DNAH11: variants seen among roughly 807,000 people sequenced by gnomAD.
DNAH11 encodes dynein axonemal heavy chain 11.
A neutral mutation model predicts 526.0 loss-of-function variants in DNAH11; 442 were observed. The observed-to-expected ratio is 0.84, with a 90% CI of 0.78 to 0.91. The LOEUF (loss-of-function observed/expected upper bound fraction) is 0.91, where lower values mean the gene tolerates loss of function less well. Ranked by LOEUF, DNAH11 falls within the 40% of genes least tolerant of loss-of-function variation. The pLI is 0.00. For missense variants in DNAH11, 6,989 were observed against 5,448.7 expected, an observed-to-expected ratio of 1.28 and a Z score of -8.90; for synonymous variants, 2,461 against 1,935.9, an observed-to-expected ratio of 1.27 and a Z score of -7.12.
chr7:21,708,418 C>A (rs1301869128), intron 40 of DNAH11, among the ~76,000 whole-genome samples: 1 of 152,186 alleles, frequency 6.6e-6, no homozygotes, highest in African/African-American at 2.4e-5. Flanking sequence ...TCCATAGATG[C>A]CACGTTAGTT....
intron 66 of DNAH11, among the ~76,000 whole-genome samples, chr7:21,846,785 T>C (rs529069713): frequency 6.6e-6 from 1 of 152,298 alleles, no homozygotes; most frequent in South Asian, 2.1e-4. Context: ...AGAGAATTGA[T>C]ACTATTTCTC....
At chr7:21,630,710 T>C (rs1488494412) in intron 25 of DNAH11, among the ~76,000 whole-genome samples, 1 of 152,204 alleles carries the variant, frequency 6.6e-6, no homozygotes, top group Admixed American at 6.5e-5. Flanking sequence ...GGAGCTCCTT[T>C]ATATCTTATT....
chr7:21,607,911 C>G (rs1276799033), intron 20 of DNAH11, among the ~76,000 whole-genome samples: 3 of 126,396 alleles, frequency 2.4e-5, no homozygotes, highest in South Asian at 2.6e-4. Context: ...GTACTCCAGC[C>G]TGGCGACAGA....
At chr7:21,806,528 C>T (rs1348523881) in intron 62 of DNAH11, among the ~76,000 whole-genome samples, 2 of 152,152 alleles carry the variant, frequency 1.3e-5, no homozygotes, top group Non-Finnish European at 1.5e-5. Context: ...TCATGACCTC[C>T]GACCTCAGGG....
chr7:21,769,756 T>C (rs1787343428), intron 55 of DNAH11, among the ~76,000 whole-genome samples: 1 of 152,130 alleles, frequency 6.6e-6, no homozygotes, highest in South Asian at 2.1e-4. Context: ...AAGTGCTGGA[T>C]TACAGGCATG....
chr7:21,644,851 C>G (rs1787281189), intron 28 of DNAH11, among the ~76,000 whole-genome samples: 1 of 152,128 alleles, frequency 6.6e-6, no homozygotes, highest in South Asian at 2.1e-4. Context: ...AGGTGTATGA[C>G]AAGAAAATAG....
intron 25 of DNAH11, among the ~76,000 whole-genome samples, chr7:21,629,340 G>C (rs939487502): frequency 6.6e-6 from 1 of 151,954 alleles, no homozygotes; most frequent in Non-Finnish European, 1.5e-5. Context: ...ATCTATTCTG[G>C]AGAATCCATG....
intron 55 of DNAH11, among the ~76,000 whole-genome samples, chr7:21,771,176 C>G (rs1053266874): frequency 4.9e-4 from 74 of 152,296 alleles, no homozygotes; most frequent in African/African-American, 1.6e-3. Flanking sequence ...TAGATTCTTT[C>G]ACCTGCCCCT....
chr7:21,807,568 CAG>C (rs886412197), intron 62 of DNAH11, among the ~76,000 whole-genome samples: 3 of 152,154 alleles, frequency 2.0e-5, no homozygotes, highest in Non-Finnish European at 4.4e-5. Context: ...CCCAGAGGGA[CAG>C]GGGAGAGACT....
intron 30 of DNAH11, among the ~76,000 whole-genome samples, chr7:21,677,680 C>T (rs11971391): frequency 0.13 from 20,508 of 152,210 alleles, 1,396 homozygotes; most frequent in Non-Finnish European, 0.15. Flanking sequence ...CCATCACGGC[C>T]AGCCTGTGAT....
In DNAH11 at chr7:21,698,141, T is replaced by C. The variant is rs1783926531; in HGVS notation, c.6108T>C (p.Phe2036=). The change falls in exon 36 of 82, where the codon TTT becomes TTC. Residue 2036 remains phenylalanine (F), a synonymous_variant. Coordinates refer to ENST00000409508, the MANE Select transcript of DNAH11 (RefSeq NM_001277115.2). ...AAATCTTGTTAGTTGCTGAAGGTTT[T>C]GTGGATGCGCGTGCATTAGCCCGAA... ...ICEILLVAEG[F]VDARALARKF... 1.2e-6 allele frequency: 2 copies of C among 1,613,610 alleles called. No individual in the cohort carries two copies. Among genetic ancestry groups the C allele is most frequent in the Admixed American group, 1.7e-5 (1 of 59,922 alleles).
At chr7:21,897,104 A>G (rs910043526) in intron 79 of DNAH11, among the ~76,000 whole-genome samples, 4 of 152,044 alleles carry the variant, frequency 2.6e-5, no homozygotes, top group African/African-American at 9.7e-5. Context: ...ATCGTCCATA[A>G]TTATCAGTTC....
intron 61 of DNAH11, among the ~76,000 whole-genome samples, chr7:21,793,694 C>G (rs1240437890): frequency 6.6e-6 from 1 of 151,130 alleles, no homozygotes; most frequent in Admixed American, 6.6e-5. Flanking sequence ...CCTATGTAGT[C>G]TAGTGTTTAG....
intron 77 of DNAH11, among the ~76,000 whole-genome samples, 165 bp downstream of exon 77, chr7:21,892,832 T>A (rs1401165037): frequency 6.6e-6 from 1 of 152,184 alleles, no homozygotes; most frequent in Admixed American, 6.5e-5. Flanking sequence ...AGGATACTCA[T>A]GCCCCTTATC....
At chr7:21,546,291 C>T (rs1441224253) in intron 2 of DNAH11, among the ~76,000 whole-genome samples, 1 of 152,230 alleles carries the variant, frequency 6.6e-6, no homozygotes, top group Non-Finnish European at 1.5e-5. Flanking sequence ...GCCTGGGTTT[C>T]CCTTCGCTCC....
At chr7:21,747,997 T>C (rs10264533) in intron 51 of DNAH11, among the ~76,000 whole-genome samples, 7,665 of 152,272 alleles carry the variant, frequency 0.05, 625 homozygotes, top group African/African-American at 0.17. Flanking sequence ...TTTTGGACTT[T>C]TGGTGGTGAC....
rs548670757 is a variant in DNAH11 at position 21,589,318 on chromosome 7, A to G, written c.2084A>G (p.Asp695Gly). 1.7e-5 allele frequency: 28 copies of G among 1,611,014 alleles called. No individual in the cohort carries two copies. The East Asian group carries it at 3.4e-4, about 19-fold the overall frequency. ...RIYNEWKSNV[D>G]EICEFNLNQP... ...TATAATGAATGGAAAAGTAATGTGG[A>G]TGAAATCTGTGAATTCAATTTGAAT... Residue 695 changes from aspartate to glycine, a missense_variant, in exon 12 of 82, where the codon GAT (aspartate) becomes GGT (glycine). Transcript: ENST00000409508.
intron 14 of DNAH11, 122 bp downstream of exon 14, chr7:21,591,699 A>G: frequency 2.0e-6 from 2 of 985,770 alleles, no homozygotes; most frequent in Non-Finnish European, 2.8e-6. Flanking sequence ...TATGAATGGT[A>G]TTATTAGGCA....
At chr7:21,800,838 G>A (rs1456470770) in intron 61 of DNAH11, among the ~76,000 whole-genome samples, 2 of 152,148 alleles carry the variant, frequency 1.3e-5, no homozygotes, top group Admixed American at 6.5e-5. Context: ...TGCACCCACG[G>A]CGTATTTGCA....
Sources: gnomAD v4.1 joint callset for allele counts (sites outside exome capture counted in the v4.1 genomes callset) on GRCh38, gnomAD v4.1.1 for gene constraint, MANE v1.5 for transcripts, NCBI Gene and HGNC (gene_info 2026-07-23, HGNC 2026-07-21) for gene names.